Variants in PEAR1 observed in about 807,000 individuals in gnomAD.
The protein encoded by PEAR1 is platelet endothelial aggregation receptor 1, also known as multiple EGF-like domains protein 12.
In PEAR1, 113 loss-of-function variants were observed where a neutral mutation model predicts 131.2. That is an observed-to-expected ratio of 0.86 (90% CI 0.74 to 1.01). The LOEUF is 1.01. Among genes scored for constraint, PEAR1 ranks in the 50% least tolerant of loss-of-function variants. The probability of loss-of-function intolerance (pLI) is 0.00; values close to 1 mark genes in which losing one functional copy is unlikely to be tolerated. For missense variants in PEAR1, 1,408 were observed against 1,391.1 expected, an observed-to-expected ratio of 1.01 and a Z score of -0.19; for synonymous variants, 565 against 523.3, an observed-to-expected ratio of 1.08 and a Z score of -1.09.
chr1:156,905,327 T>C lies in PEAR1; in HGVS notation c.210T>C (p.Val70=). ...EGPHTCPQPT[V]VYRTVYRQVV... ...GCCGCCTTCCTGGCCTCCGCAGGGT[T>C]GTATACCGGACCGTGTACCGTCAGG... Residue 70 remains valine, a synonymous_variant, in exon 4 of 23, where the codon GTT becomes GTC. Coordinates refer to ENST00000292357, the MANE Select transcript of PEAR1 (RefSeq NM_001080471.3). The C allele has an allele frequency of 1.2e-6, 2 of 1,611,536 alleles. No homozygotes were observed. The highest frequency in any genetic ancestry group is 1.7e-6 in the Non-Finnish European group (2 of 1,179,620).
chr1:156,895,000 C>T lies in PEAR1; in HGVS notation c.-10+1163C>T, dbSNP rs572616874. On this transcript the variant is annotated intron_variant, in intron 1 of 22. Transcript: ENST00000292357. ...AGCCAGTCATAAGCCAGGGTGTGGG[C>T]GCAGCCCTCCTATCTCCTGTGTCTC... Among the ~76,000 whole-genome samples the T allele has an allele frequency of 4.6e-5, 7 of 152,316 alleles. No individual in the cohort carries two copies. In the South Asian group the frequency reaches 1.0e-3, roughly 23 times the overall value.
At chr1:156,914,167 G>T (rs2101556016) in intron 22 of PEAR1, 67 bp downstream of exon 22, 2 of 1,472,300 alleles carry the variant, frequency 1.4e-6, no homozygotes, top group South Asian at 2.8e-5. Flanking sequence ...AAAAACAGAA[G>T]GAACAGAGGG....
chr1:156,906,185 G>A, intron 4 of PEAR1, 91 bp from the exon 5 acceptor site: 1 of 1,218,240 alleles, frequency 8.2e-7, no homozygotes, highest in Non-Finnish European at 1.2e-6. Context: ...CAGGTCCCTG[G>A]TTTTGGAGGA....
At position 156,902,231 on chromosome 1, in the gene PEAR1, C is replaced by CCCCCAGG. The variant is rs1649762218; in HGVS notation, c.-9-1679_-9-1673dup. 1 of 152,430 alleles carries CCCCCAGG rather than the reference C, an allele frequency of 6.6e-6. No homozygotes were observed. Among genetic ancestry groups the CCCCCAGG allele is most frequent in the African/African-American group, 2.4e-5 (1 of 41,452 alleles). 9.4% of individuals were successfully genotyped at this position (152,430 alleles called of 1,614,324 possible). A position where few individuals can be genotyped will look rare whatever the true frequency, so the allele number is the denominator to read the frequency against. Reference sequence around the variant, plus strand: ...TGGGATCCCCCAGGACATTCCCTGGCCCCCAGGCCCCAGGTCCCAGGCCCC... The same window carrying CCCCCAGG: ...TGGGATCCCCCAGGACATTCCCTGGCCCCCAGGCCCCAGGCCCCAGGTCCCAGGCCCC... On this transcript the variant is annotated intron_variant, in intron 1 of 22. Transcript: ENST00000292357. This position sits in a 1 kb window ranked among gnomAD's most constrained non-coding sequence, Gnocchi z 4.3.
intron 22 of PEAR1, 140 bp downstream of exon 22, chr1:156,914,240 C>A: frequency 1.5e-6 from 2 of 1,362,606 alleles, no homozygotes; most frequent in South Asian, 1.5e-5. Context: ...GGGCTCAAAT[C>A]AGGCATGACG....
chr1:156,913,254 G>C lies in PEAR1; in HGVS notation c.2483G>C (p.Cys828Ser). The C allele has an allele frequency of 6.2e-7, 1 of 1,612,252 alleles. No individual in the cohort carries two copies. The highest frequency in any genetic ancestry group is 8.5e-7 in the Non-Finnish European group (1 of 1,179,084). ...CCCAGCTACCACACCCTGTCGCAGT[G>C]CTCCCCAAACCCCCCACCCCCTAAC... ...SNPSYHTLSQ[C>S]SPNPPPPNKV... The change falls in exon 19 of 23, where the codon TGC becomes TCC. Residue 828 changes from cysteine (C) to serine (S), a missense_variant. By Grantham distance (112) the Cys-to-Ser change is moderately radical. Transcript: ENST00000292357.
At chr1:156,906,395 G>C in intron 5 of PEAR1, 27 bp downstream of exon 5, 1 of 1,610,876 alleles carries the variant, frequency 6.2e-7, no homozygotes, top group Non-Finnish European at 8.5e-7. Flanking sequence ...CCCAGGGAGT[G>C]GCCTCTTGTG....
chr1:156,898,525 G>C (rs985217780), intron 1 of PEAR1, among the ~76,000 whole-genome samples: 1 of 152,246 alleles, frequency 6.6e-6, no homozygotes, highest in Non-Finnish European at 1.5e-5. Context: ...GTACTGGGTA[G>C]CCTGTGGAGT....
In PEAR1 at chr1:156,915,237, G is replaced by A. The variant is rs1651757736; in HGVS notation, c.*439G>A. Reference sequence around the variant, plus strand: ...GATGGAACCAACCCAATTAACTCTAGCAATAGCCTCCTAACTGGCCTCCTC... The same window carrying A: ...GATGGAACCAACCCAATTAACTCTAACAATAGCCTCCTAACTGGCCTCCTC... On this transcript the variant is annotated 3_prime_UTR_variant, in exon 23 of 23. Coordinates refer to ENST00000292357, the MANE Select transcript of PEAR1 (RefSeq NM_001080471.3). The A allele has an allele frequency of 6.4e-6, 1 of 156,042 alleles. No homozygotes were observed. The highest frequency in any genetic ancestry group is 6.5e-5 in the Admixed American group (1 of 15,374). The allele number at this position is 156,042 out of a possible 1,614,324, so 9.7% of individuals were successfully genotyped here.
intron 18 of PEAR1, 92 bp downstream of exon 18, chr1:156,913,074 G>A (rs151023772): frequency 1.3e-6 from 2 of 1,568,366 alleles, no homozygotes; most frequent in Non-Finnish European, 1.8e-6. Flanking sequence ...AAGATGAGGA[G>A]TGGGGAGGAG....
Position 156,908,200 on chromosome 1 carries a change from C to T in PEAR1, c.975C>T (p.Ala325=), listed in dbSNP as rs1326395590. The change falls in exon 9 of 23, where the codon GCC becomes GCT. Residue 325 remains alanine, a synonymous_variant. Coordinates refer to ENST00000292357, the MANE Select transcript of PEAR1 (RefSeq NM_001080471.3). The surrounding 1 kb of genome is among the most constrained non-coding windows in gnomAD (Gnocchi z 4.2). ...CAETCDCAPD[A]RCFPANGACL... ...AGACGTGCGACTGCGCCCCGGACGC[C>T]CGTTGCTTCCCGGCCAACGGCGCAT... is the stretch of plus-strand genomic sequence containing the variant. 6.2e-7 allele frequency: 1 copy of T among 1,602,970 alleles called. No homozygotes were observed. The highest frequency in any genetic ancestry group is 8.5e-7 in the Non-Finnish European group (1 of 1,178,936).
chr1:156,904,810 G>A lies in PEAR1; in HGVS notation c.164G>A (p.Cys55Tyr). The A allele has an allele frequency of 6.2e-7, 1 of 1,613,880 alleles. No homozygotes were observed. Among genetic ancestry groups the A allele is most frequent in the Non-Finnish European group, 8.5e-7 (1 of 1,179,884 alleles). ...TTCAGCCTGCTCCCCTCAGAGCCCT[G>A]CGAGCGGCCCTGGGAGGGCCCCCAT... ...RPFSLLPSEPCERPWEGPHTC... is the reference protein window; with the variant it reads ...RPFSLLPSEPYERPWEGPHTC... The change falls in exon 3 of 23, where the codon TGC becomes TAC. Residue 55 changes from cysteine (C) to tyrosine (Y), a missense_variant. Physicochemically the swap from Cys to Tyr is radical, Grantham distance 194. Coordinates refer to ENST00000292357, the MANE Select transcript of PEAR1 (RefSeq NM_001080471.3).
intron 1 of PEAR1, among the ~76,000 whole-genome samples, chr1:156,896,072 C>A (rs1290107034): frequency 1.3e-5 from 2 of 152,148 alleles, no homozygotes; most frequent in Non-Finnish European, 2.9e-5. Context: ...CACAGCGAAG[C>A]CCTGTCTCAA....
chr1:156,910,145 G>T, intron 13 of PEAR1, 37 bp downstream of exon 13: 4 of 1,613,922 alleles, frequency 2.5e-6, no homozygotes, highest in Non-Finnish European at 3.4e-6. Flanking sequence ...CTGTGGATTG[G>T]GGGATGCATC....
intron 4 of PEAR1, 125 bp from the exon 5 acceptor site, chr1:156,906,151 G>A (rs1191020061): frequency 3.9e-6 from 3 of 765,656 alleles, no homozygotes; most frequent in Admixed American, 4.7e-5. Context: ...TATCTTAGAG[G>A]CAGAATTGGG....
At chr1:156,909,546 C>G (rs1411971459) in intron 11 of PEAR1, among the ~76,000 whole-genome samples, 4 of 152,220 alleles carry the variant, frequency 2.6e-5, no homozygotes, top group Non-Finnish European at 5.9e-5. Context: ...ACCCCAGACC[C>G]AGAATGGGGT....
rs973156981 is a variant in PEAR1 at position 156,902,648 on chromosome 1, G to A, written c.-9-1270G>A. Reference sequence around the variant, plus strand: ...GCAGCAACATTCCAGAGATACTCAGGGGGGTAAGGGGCCAGCAACCGCGAC... The same window carrying A: ...GCAGCAACATTCCAGAGATACTCAGAGGGGTAAGGGGCCAGCAACCGCGAC... On this transcript the variant is annotated intron_variant, in intron 1 of 22. Transcript: ENST00000292357. This position sits in a 1 kb window ranked among gnomAD's most constrained non-coding sequence, Gnocchi z 4.3. Among the ~76,000 whole-genome samples, 15 of 152,064 alleles carry A rather than the reference G, an allele frequency of 9.9e-5. No homozygotes were observed. The highest frequency in any genetic ancestry group is 3.4e-4 in the African/African-American group (14 of 41,380).
rs375283165 is a variant in PEAR1, at chr1:156,906,804, C to T, written c.568C>T (p.Arg190Cys). The T allele has an allele frequency of 9.0e-5, 145 of 1,614,210 alleles. No homozygotes were observed. In the South Asian group the frequency reaches 1.1e-3, roughly 12 times the overall value. Residue 190 changes from arginine to cysteine, a missense_variant, in exon 6 of 23, where the codon CGC (arginine) becomes TGC (cysteine). Arg to Cys is a radical substitution (Grantham distance 180). Transcript: ENST00000292357. ...CTACTATGGCCCTGCCTGCCAGTTC[C>T]GCTGCCAGTGCCATGGGGCACCCTG... ...PGYYGPACQF[R>C]CQCHGAPCDP...
Position 156,916,355 on chromosome 1 carries a change from CTT to C in PEAR1, c.*1559_*1560del, listed in dbSNP as rs958691681. On this transcript the variant is annotated 3_prime_UTR_variant, in exon 23 of 23. Coordinates refer to ENST00000292357, the MANE Select transcript of PEAR1 (RefSeq NM_001080471.3). Reference sequence around the variant, plus strand: ...GTTATAGTGATCTGTGATCAGTGATCTTTGATATATTATTGTAATTGTTTCGG... The same window carrying C: ...GTTATAGTGATCTGTGATCAGTGATCTGATATATTATTGTAATTGTTTCGG... 1 of 152,146 alleles carries C rather than the reference CTT, an allele frequency of 6.6e-6. No homozygotes were observed. Among genetic ancestry groups the C allele is most frequent in the Non-Finnish European group, 1.5e-5 (1 of 68,034 alleles). 9.4% of individuals were successfully genotyped at this position (152,146 alleles called of 1,614,324 possible).
Sources: allele counts gnomAD v4.1 joint callset (sites outside exome capture counted in the v4.1 genomes callset), GRCh38; gene constraint gnomAD v4.1.1; non-coding constraint Gnocchi (gnomAD v3.1); transcripts MANE v1.5; gene names NCBI Gene and HGNC (gene_info 2026-07-23, HGNC 2026-07-21).